Variants in WDR93 observed in about 807,000 individuals in gnomAD.
WDR93 encodes WD repeat-containing protein 93.
A neutral mutation model predicts 82.9 loss-of-function variants in WDR93; 73 were observed. The observed-to-expected ratio is 0.88, with a 90% CI of 0.73 to 1.07. The LOEUF (loss-of-function observed/expected upper bound fraction) is 1.07. WDR93 is among the 50% of genes least tolerant of loss of function. The pLI is 0.00. For synonymous variants in WDR93, 283 were observed against 300.1 expected, an observed-to-expected ratio of 0.94 and a Z score of 0.59; for missense variants, 738 against 826.0, an observed-to-expected ratio of 0.89 and a Z score of 1.31.
rs545840972 is a variant in WDR93 at position 89,727,831 on chromosome 15, C to T, written c.1052+503C>T. Among the ~76,000 whole-genome samples, 487 of 151,896 alleles carry T rather than the reference C, an allele frequency of 3.2e-3. 3 individuals carry two copies. Among genetic ancestry groups the T allele is most frequent in the African/African-American group, 0.01 (422 of 41,396 alleles). On this transcript the variant is annotated intron_variant, in intron 9 of 16. Coordinates refer to ENST00000268130, the MANE Select transcript of WDR93 (RefSeq NM_020212.2). ...GGCACGGTGGCTCAGGCCTGTAATC[C>T]CAGCACTTTGAGAGTCTGAGGCATG...
intron 1 of WDR93, among the ~76,000 whole-genome samples, chr15:89,700,170 G>A (rs555171995): frequency 1.6e-4 from 25 of 152,232 alleles, no homozygotes; most frequent in African/African-American, 5.3e-4. Context: ...TCCCACGACC[G>A]AGGCAAGATT....
At chr15:89,709,034 G>T (rs4353458) in intron 4 of WDR93, among the ~76,000 whole-genome samples, 65,550 of 152,106 alleles carry the variant, frequency 0.43, 14,508 homozygotes, top group African/African-American at 0.47. Context: ...GCAGCCGTCC[G>T]GTGCAGGGAG....
At chr15:89,699,813 AAGATAT>A (rs1271666783) in intron 1 of WDR93, among the ~76,000 whole-genome samples, 3 of 152,210 alleles carry the variant, frequency 2.0e-5, no homozygotes, top group Non-Finnish European at 2.9e-5. Context: ...TGGATTTAGA[AAGATAT>A]AGATATAACA....
At chr15:89,696,448 T>G (rs192152560) in intron 1 of WDR93, among the ~76,000 whole-genome samples, 6 of 151,602 alleles carry the variant, frequency 4.0e-5, no homozygotes, top group Admixed American at 4.0e-4. Context: ...CATAAACATT[T>G]GTGTAGAGGT....
At position 89,735,484 on chromosome 15, in the gene WDR93, C is replaced by G; in HGVS notation, c.1545-6C>G. The G allele has an allele frequency of 6.2e-7, 1 of 1,614,040 alleles. No homozygotes were observed. Among genetic ancestry groups the G allele is most frequent in the Non-Finnish European group, 8.5e-7 (1 of 1,179,954 alleles). Reference sequence around the variant, plus strand: ...GGAGAATGTCTGTATATTTTCTGTCCTATAGGCCTGTAAAGCACCTGGATA... The same window carrying G: ...GGAGAATGTCTGTATATTTTCTGTCGTATAGGCCTGTAAAGCACCTGGATA... On this transcript the variant is annotated splice_region_variant and splice_polypyrimidine_tract_variant and intron_variant, in intron 13 of 16. Coordinates refer to ENST00000268130, the MANE Select transcript of WDR93 (RefSeq NM_020212.2).
chr15:89,705,486 A>G, intron 3 of WDR93, 68 bp from the exon 4 acceptor site: 1 of 977,990 alleles, frequency 1.0e-6, no homozygotes, highest in South Asian at 1.3e-5. Context: ...AAAGTCCAAT[A>G]TAAAATTTCC....
chr15:89,722,977 G>A (rs924177810), intron 8 of WDR93, among the ~76,000 whole-genome samples: 6 of 152,070 alleles, frequency 3.9e-5, no homozygotes, highest in African/African-American at 1.2e-4. Flanking sequence ...GGCCAAGGTG[G>A]GCAGATTGCT....
intron 2 of WDR93, among the ~76,000 whole-genome samples, chr15:89,702,455 C>T (rs953968357): frequency 6.6e-6 from 1 of 152,120 alleles, no homozygotes; most frequent in South Asian, 2.1e-4. Flanking sequence ...TTTCTCTATT[C>T]TCTTTGCCCT....
At chr15:89,732,049 G>A (rs1348317467) in intron 12 of WDR93, among the ~76,000 whole-genome samples, 2 of 152,216 alleles carry the variant, frequency 1.3e-5, no homozygotes, top group Non-Finnish European at 2.9e-5. Flanking sequence ...CTGGGTGGGT[G>A]GCACTGTGGT....
chr15:89,709,889 A>T (rs1260828165), intron 4 of WDR93, among the ~76,000 whole-genome samples: 1 of 152,192 alleles, frequency 6.6e-6, no homozygotes, highest in African/African-American at 2.4e-5. Flanking sequence ...GGCCGGGTAC[A>T]GTGGCTCCTG....
At chr15:89,712,509 C>G (rs376005007) in intron 5 of WDR93, among the ~76,000 whole-genome samples, 1 of 146,598 alleles carries the variant, frequency 6.8e-6, no homozygotes, top group African/African-American at 2.5e-5. Context: ...TTGGCCTTTC[C>G]TCATTTTTCA....
intron 1 of WDR93, among the ~76,000 whole-genome samples, chr15:89,692,871 G>A (rs1019196180): frequency 1.3e-5 from 2 of 152,058 alleles, no homozygotes; most frequent in African/African-American, 4.8e-5. Flanking sequence ...AGCTCCCAAA[G>A]TTCTGGGATT....
chr15:89,740,507 G>GTT (rs202183075), intron 16 of WDR93, among the ~76,000 whole-genome samples: 2,898 of 151,908 alleles, frequency 0.019, 104 homozygotes, highest in African/African-American at 0.067. Context: ...TTTTGTTTTT[G>GTT]TTTTTGTTTT....
In WDR93 at chr15:89,727,210, G is replaced by A. The variant is rs767524554; in HGVS notation, c.934G>A (p.Gly312Arg). The A allele has an allele frequency of 5.0e-6, 8 of 1,613,992 alleles. No individual in the cohort carries two copies. The highest frequency in any genetic ancestry group is 2.2e-5 in the East Asian group (1 of 44,886). ...EVFAKIKDCY[G>R]LGSGQNHFIK... Reference sequence around the variant, plus strand: ...CTTTGCAAAGATCAAGGACTGCTACGGACTGGGCTCCGGGCAGAATCATTT... The same window carrying A: ...CTTTGCAAAGATCAAGGACTGCTACAGACTGGGCTCCGGGCAGAATCATTT... Residue 312 changes from glycine to arginine, a missense_variant, in exon 9 of 17, where the codon GGA becomes AGA. Physicochemically the swap from Gly to Arg is moderately radical, Grantham distance 125. Coordinates refer to ENST00000268130, the MANE Select transcript of WDR93 (RefSeq NM_020212.2).
At position 89,737,744 on chromosome 15, in the gene WDR93, C is replaced by T; in HGVS notation, c.1765+15C>T. On this transcript the variant is annotated intron_variant, in intron 15 of 16. Coordinates refer to ENST00000268130, the MANE Select transcript of WDR93 (RefSeq NM_020212.2). ...CCTGCTCCGAGGTACAGAAAGGGAC[C>T]AGGGCTGATGCCCACTGACCATTTC... 2 of 1,614,026 alleles carry T rather than the reference C, an allele frequency of 1.2e-6. No individual in the cohort carries two copies. Among genetic ancestry groups the T allele is most frequent in the Non-Finnish European group, 1.7e-6 (2 of 1,179,964 alleles).
Position 89,690,852 on chromosome 15 carries a change from G to T in WDR93, c.-46G>T. The T allele has an allele frequency of 1.3e-5, 7 of 546,718 alleles. No homozygotes were observed. The highest frequency in any genetic ancestry group is 2.3e-5 in the Non-Finnish European group (7 of 306,304). The allele number at this position is 546,718 out of a possible 1,614,324, so 33.9% of individuals were successfully genotyped here. On this transcript the variant is annotated 5_prime_UTR_variant, in exon 1 of 17. Coordinates refer to ENST00000268130, the MANE Select transcript of WDR93 (RefSeq NM_020212.2). ...TTACCAAGGCGACGCAACGCCGCCC[G>T]GCCAGGTGAGCAAAACTGATCTTAC...
chr15:89,731,605 C>T (rs1358399453), intron 12 of WDR93, 43 bp downstream of exon 12: 2 of 1,611,984 alleles, frequency 1.2e-6, no homozygotes, highest in Admixed American at 1.7e-5. Context: ...GGGTGGGACT[C>T]TGGGCAATGA....
intron 1 of WDR93, among the ~76,000 whole-genome samples, chr15:89,698,569 G>A (rs1370621570): frequency 2.0e-5 from 3 of 151,724 alleles, no homozygotes; most frequent in Non-Finnish European, 4.4e-5. Context: ...TGCTTTTGTT[G>A]GCTGGAACTC....
chr15:89,734,573 G>A (rs1967005905), intron 13 of WDR93, among the ~76,000 whole-genome samples: 1 of 152,166 alleles, frequency 6.6e-6, no homozygotes, highest in Non-Finnish European at 1.5e-5. Context: ...CCACATTCAA[G>A]CAGTAGAAAA....
Sources: gnomAD v4.1 joint callset for allele counts (sites outside exome capture counted in the v4.1 genomes callset) on GRCh38, gnomAD v4.1.1 for gene constraint, MANE v1.5 for transcripts, NCBI Gene and HGNC (gene_info 2026-07-23, HGNC 2026-07-21) for gene names.